ZNF521: variants seen among roughly 807,000 people sequenced by gnomAD.
ZNF521 encodes LYST-interacting protein 3.
In ZNF521, 14 loss-of-function variants were observed where a neutral mutation model predicts 105.5. That is an observed-to-expected ratio of 0.13 (90% CI 0.09 to 0.21). The LOEUF (loss-of-function observed/expected upper bound fraction) is 0.21. ZNF521 is among the 10% of genes least tolerant of loss of function. The probability of loss-of-function intolerance (pLI) is 1.00; values close to 1 mark genes in which losing one functional copy is unlikely to be tolerated. For synonymous variants in ZNF521, 635 were observed against 606.0 expected, an observed-to-expected ratio of 1.05 and a Z score of -0.70; for missense variants, 1,233 against 1,629.7, an observed-to-expected ratio of 0.76 and a Z score of 4.19.
intron 5 of ZNF521, among the ~76,000 whole-genome samples, chr18:25,137,570 C>G (rs1600081245): frequency 6.6e-6 from 1 of 152,164 alleles, no homozygotes; most frequent in Non-Finnish European, 1.5e-5. Context: ...GTGCAGCTGA[C>G]TGATCTGACT....
At chr18:25,301,311 CTG>C (rs1911629790) in intron 3 of ZNF521, among the ~76,000 whole-genome samples, 1 of 152,240 alleles carries the variant, frequency 6.6e-6, no homozygotes, top group Non-Finnish European at 1.5e-5. Context: ...CTCCTGCCCT[CTG>C]TACCCTTCCA....
At chr18:25,152,692 G>A (rs140114060) in intron 5 of ZNF521, among the ~76,000 whole-genome samples, 35 of 152,222 alleles carry the variant, frequency 2.3e-4, no homozygotes, top group Admixed American at 9.2e-4. Flanking sequence ...AAAAACGCCC[G>A]TTCACAGAAA....
At chr18:25,133,105 C>T (rs1397125028) in intron 5 of ZNF521, among the ~76,000 whole-genome samples, 1 of 152,146 alleles carries the variant, frequency 6.6e-6, no homozygotes, top group Non-Finnish European at 1.5e-5. Context: ...GACACAGTAC[C>T]TACAATTGAG....
chr18:25,212,669 T>C (rs921009787), intron 4 of ZNF521, among the ~76,000 whole-genome samples: 2 of 150,026 alleles, frequency 1.3e-5, no homozygotes, highest in African/African-American at 4.9e-5. Flanking sequence ...GTATTGAGTC[T>C]TCCTATAACT....
intron 3 of ZNF521, among the ~76,000 whole-genome samples, chr18:25,287,436 T>C (rs191975121): frequency 6.6e-6 from 1 of 152,290 alleles, no homozygotes; most frequent in African/African-American, 2.4e-5. Context: ...ACTGCACTTA[T>C]AAAAAACATT....
intron 3 of ZNF521, among the ~76,000 whole-genome samples, chr18:25,278,743 T>TA (rs11296824): frequency 6.4e-4 from 96 of 151,052 alleles, no homozygotes; most frequent in African/African-American, 2.2e-3. Context: ...TCCTCTTGTT[T>TA]AAAAAAAAAA....
intron 3 of ZNF521, among the ~76,000 whole-genome samples, chr18:25,314,804 G>C (rs954210725): frequency 1.3e-5 from 2 of 152,196 alleles, no homozygotes; most frequent in Admixed American, 1.3e-4. Context: ...GACAACTCAA[G>C]TTTGCAAATT....
chr18:25,165,030 T>A (rs1467507695), intron 5 of ZNF521, among the ~76,000 whole-genome samples: 1 of 152,218 alleles, frequency 6.6e-6, no homozygotes, highest in Non-Finnish European at 1.5e-5. Context: ...TCAGAGCATC[T>A]GTACACACCA....
chr18:25,176,769 C>CG (rs1327117197), intron 5 of ZNF521, among the ~76,000 whole-genome samples: 1 of 152,220 alleles, frequency 6.6e-6, no homozygotes, highest in Non-Finnish European at 1.5e-5. Context: ...TCGGCCGCCC[C>CG]GGTGTTGCTT....
intron 4 of ZNF521, chr18:25,223,914 T>C: frequency 4.4e-6 from 1 of 229,268 alleles, no homozygotes; most frequent in African/African-American, 2.2e-5. Flanking sequence ...CAATTTGTTA[T>C]CCCCAAATAT....
At chr18:25,280,579 T>C (rs150029364) in intron 3 of ZNF521, among the ~76,000 whole-genome samples, 63 of 152,244 alleles carry the variant, frequency 4.1e-4, no homozygotes, top group African/African-American at 1.4e-3. Flanking sequence ...GTAGTACCAC[T>C]GGATTCTGAA....
At chr18:25,276,131 C>G (rs765403996) in intron 3 of ZNF521, among the ~76,000 whole-genome samples, 3 of 152,154 alleles carry the variant, frequency 2.0e-5, no homozygotes, top group Admixed American at 2.0e-4. Context: ...CAGGGCATCA[C>G]AGAAAATGAT....
At chr18:25,332,097 C>A (rs1598482632) in intron 2 of ZNF521, among the ~76,000 whole-genome samples, 1 of 151,480 alleles carries the variant, frequency 6.6e-6, no homozygotes, top group East Asian at 1.9e-4. Flanking sequence ...TTCAGCAGCT[C>A]CAAATGGCTG....
intron 3 of ZNF521, among the ~76,000 whole-genome samples, chr18:25,247,046 T>C (rs1907770091): frequency 1.3e-5 from 2 of 152,224 alleles, no homozygotes; most frequent in African/African-American, 4.8e-5. Flanking sequence ...ACCCCAGTCC[T>C]GCTCTTCTGA....
chr18:25,077,532 G>GT (rs899601850), intron 7 of ZNF521, among the ~76,000 whole-genome samples: 4 of 151,536 alleles, frequency 2.6e-5, no homozygotes, highest in African/African-American at 4.9e-5. Flanking sequence ...CTCCTCTTAT[G>GT]TTTTTTTTAA....
intron 2 of ZNF521, among the ~76,000 whole-genome samples, chr18:25,340,121 C>T (rs146763069): frequency 6.6e-6 from 1 of 152,072 alleles, no homozygotes; most frequent in Non-Finnish European, 1.5e-5. Flanking sequence ...CTTTGGGAGG[C>T]CAAGGTGTGG....
At chr18:25,327,926 C>T (rs989839166) in intron 2 of ZNF521, among the ~76,000 whole-genome samples, 4 of 152,088 alleles carry the variant, frequency 2.6e-5, no homozygotes, top group Middle Eastern at 3.2e-3. Context: ...TGAGCATCCC[C>T]GGAACCACAT....
chr18:25,248,703 T>G (rs1301826777), intron 3 of ZNF521, among the ~76,000 whole-genome samples: 1 of 152,222 alleles, frequency 6.6e-6, no homozygotes, highest in Non-Finnish European at 1.5e-5. Context: ...TGTAAGACCT[T>G]GCAGGCACTG....
intron 5 of ZNF521, among the ~76,000 whole-genome samples, chr18:25,186,737 T>C (rs2035728524): frequency 6.6e-6 from 1 of 152,026 alleles, no homozygotes; most frequent in Non-Finnish European, 1.5e-5. Flanking sequence ...ATAACAGATG[T>C]ACTCTTAAAA....
Sources: allele counts gnomAD v4.1 joint callset (sites outside exome capture counted in the v4.1 genomes callset), GRCh38; gene constraint gnomAD v4.1.1; transcripts MANE v1.5; gene names NCBI Gene and HGNC (gene_info 2026-07-23, HGNC 2026-07-21).